Variants in CNTN5 observed in about 807,000 individuals in gnomAD.
The protein encoded by CNTN5 is contactin 5.
CNTN5 carries 77 observed loss-of-function variants against 129.1 expected under a neutral mutation model. The observed-to-expected ratio is 0.60, with a 90% CI of 0.50 to 0.72. The LOEUF is 0.72. CNTN5 is among the 30% of genes least tolerant of loss of function. The pLI is 0.00. For missense variants in CNTN5, 1,478 were observed against 1,328.8 expected (o/e 1.11, Z -1.75); for synonymous variants, 509 against 465.6 (o/e 1.09, Z -1.20).
Position 100,263,744 on chromosome 11 carries a change from C to T in CNTN5, c.2165-7348C>T, listed in dbSNP as rs192865224. Among the ~76,000 whole-genome samples, 437 of 152,248 alleles carry T rather than the reference C, an allele frequency of 2.9e-3. 2 individuals are homozygous for T. The highest frequency in any genetic ancestry group is 5.8e-3 in the South Asian group (28 of 4,830). On this transcript the variant is annotated intron_variant, in intron 17 of 24. Coordinates refer to ENST00000524871, the MANE Select transcript of CNTN5 (RefSeq NM_014361.4). ...TGCTTCAATCTTATTCTTAGTATGACAGCTTAAATCTTTGGCTCTGCAGCC... is the reference window on the plus strand; with the variant it reads ...TGCTTCAATCTTATTCTTAGTATGATAGCTTAAATCTTTGGCTCTGCAGCC...
chr11:99,964,336 A>G (rs1033391678), intron 8 of CNTN5, among the ~76,000 whole-genome samples: 2 of 152,198 alleles, frequency 1.3e-5, no homozygotes, highest in Non-Finnish European at 2.9e-5. Context: ...CGTCCCATCA[A>G]TACCTAATTT....
intron 9 of CNTN5, among the ~76,000 whole-genome samples, chr11:100,045,923 C>T (rs1454725140): frequency 6.6e-6 from 1 of 152,138 alleles, no homozygotes; most frequent in East Asian, 1.9e-4. Flanking sequence ...AGAAAGACAT[C>T]AAACACTTTT....
At chr11:99,995,737 G>A (rs550766740) in intron 8 of CNTN5, among the ~76,000 whole-genome samples, 12 of 152,254 alleles carry the variant, frequency 7.9e-5, no homozygotes, top group African/African-American at 2.6e-4. Flanking sequence ...AATCATGGCT[G>A]TTTTCTATGT....
intron 9 of CNTN5, among the ~76,000 whole-genome samples, chr11:100,022,397 A>T (rs887603214): frequency 6.6e-6 from 1 of 152,024 alleles, no homozygotes; most frequent in African/African-American, 2.4e-5. Context: ...TCTGTCCCCT[A>T]TGTTCTTTGT....
intron 6 of CNTN5, among the ~76,000 whole-genome samples, chr11:99,851,278 T>C (rs1053510838): frequency 1.3e-5 from 2 of 152,158 alleles, no homozygotes; most frequent in African/African-American, 4.8e-5. Flanking sequence ...AATGAACTGG[T>C]TTTTAAGGTT....
intron 2 of CNTN5, among the ~76,000 whole-genome samples, chr11:99,539,592 T>C (rs918364010): frequency 3.3e-5 from 5 of 152,188 alleles, no homozygotes; most frequent in African/African-American, 1.2e-4. Flanking sequence ...TTACTACCAA[T>C]TATCTTTCCT....
chr11:99,266,396 C>G (rs1051470431), intron 1 of CNTN5, among the ~76,000 whole-genome samples: 6 of 151,942 alleles, frequency 3.9e-5, no homozygotes, highest in African/African-American at 1.5e-4. Flanking sequence ...GCCAAGAATT[C>G]AAGACCAACC....
intron 15 of CNTN5, among the ~76,000 whole-genome samples, chr11:100,218,208 T>C (rs2138609197): frequency 6.6e-6 from 1 of 152,294 alleles, no homozygotes; most frequent in Non-Finnish European, 1.5e-5. Flanking sequence ...ACACCAAACA[T>C]TCAGTATAAA....
At chr11:99,389,575 C>A (rs918091743) in intron 2 of CNTN5, among the ~76,000 whole-genome samples, 3 of 151,990 alleles carry the variant, frequency 2.0e-5, no homozygotes, top group Non-Finnish European at 4.4e-5. Context: ...ATAGTGTAGA[C>A]CTTACTTTCA....
chr11:100,108,605 G>A (rs962254048), intron 13 of CNTN5, among the ~76,000 whole-genome samples: 1 of 152,058 alleles, frequency 6.6e-6, no homozygotes, highest in Non-Finnish European at 1.5e-5. Flanking sequence ...GTTAAACTTT[G>A]GAACACTTTC....
At chr11:100,255,605 T>TG (rs1950049114) in intron 16 of CNTN5, among the ~76,000 whole-genome samples, 155 bp from the exon 17 acceptor site, 1 of 152,204 alleles carries the variant, frequency 6.6e-6, no homozygotes, top group South Asian at 2.1e-4. Flanking sequence ...GACTCCAACT[T>TG]GCATCCATGA....
chr11:99,267,416 C>A (rs192166971), intron 1 of CNTN5, among the ~76,000 whole-genome samples: 10 of 151,740 alleles, frequency 6.6e-5, no homozygotes, highest in Admixed American at 1.3e-4. Flanking sequence ...ATCTTTCTAA[C>A]GCTTATATTT....
intron 16 of CNTN5, among the ~76,000 whole-genome samples, chr11:100,232,879 C>T (rs1949521340): frequency 6.6e-6 from 1 of 152,110 alleles, no homozygotes; most frequent in South Asian, 2.1e-4. Flanking sequence ...CAGGTTCTTC[C>T]TATATGTCGG....
intron 6 of CNTN5, among the ~76,000 whole-genome samples, chr11:99,897,457 G>A (rs1949236827): frequency 6.6e-6 from 1 of 152,076 alleles, no homozygotes; most frequent in African/African-American, 2.4e-5. Flanking sequence ...CTTCTCAGCA[G>A]AGACCTTACA....
At chr11:100,271,752 C>T (rs1950412072) in intron 18 of CNTN5, among the ~76,000 whole-genome samples, 1 of 152,136 alleles carries the variant, frequency 6.6e-6, no homozygotes, top group Admixed American at 6.5e-5. Flanking sequence ...AAATAAATAC[C>T]AATCTGCTCC....
chr11:99,464,215 CT>C, intron 2 of CNTN5, among the ~76,000 whole-genome samples: 1 of 152,256 alleles, frequency 6.6e-6, no homozygotes, highest in East Asian at 1.9e-4. Context: ...GTATCTTATG[CT>C]GCCTTTGAAC....
chr11:99,862,521 A>G (rs76660576), intron 6 of CNTN5, among the ~76,000 whole-genome samples: 5,866 of 152,228 alleles, frequency 0.039, 148 homozygotes, highest in Middle Eastern at 0.075. Flanking sequence ...AGAAAAAACA[A>G]CAAAACAGCC....
chr11:100,190,603 TATCAGGTTGCATTTTC>T (rs1426740050), intron 13 of CNTN5, among the ~76,000 whole-genome samples: 2 of 152,148 alleles, frequency 1.3e-5, no homozygotes, highest in African/African-American at 4.8e-5. Context: ...GCAGCCCAGG[TATCAGGTTGCATTTTC>T]ATACTCTTGC....
intron 3 of CNTN5, among the ~76,000 whole-genome samples, chr11:99,681,984 T>A (rs1392349956): frequency 6.6e-6 from 1 of 151,936 alleles, no homozygotes; most frequent in Non-Finnish European, 1.5e-5. Flanking sequence ...GGAGTGGAAT[T>A]TCAGGAAACA....
Sources: allele counts gnomAD v4.1 joint callset (sites outside exome capture counted in the v4.1 genomes callset), GRCh38; gene constraint gnomAD v4.1.1; transcripts MANE v1.5; gene names NCBI Gene and HGNC (gene_info 2026-07-23, HGNC 2026-07-21).